The following FBXW8 variants were observed in gnomAD, a reference collection of about 807,000 sequenced individuals.
FBXW8 encodes F-box/WD repeat-containing protein 8.
Under a neutral mutation model 65.3 loss-of-function variants are expected in FBXW8, and 57 were observed. That is an observed-to-expected ratio of 0.87 (90% CI 0.71 to 1.09). The LOEUF is 1.09. Ranked by LOEUF, FBXW8 falls within the 50% of genes least tolerant of loss-of-function variation. The pLI is 0.00. For missense variants in FBXW8, 777 were observed against 814.8 expected (o/e 0.95, Z 0.57); for synonymous variants, 308 against 330.2 (o/e 0.93, Z 0.73).
intron 5 of FBXW8, among the ~76,000 whole-genome samples, chr12:116,967,829 C>T (rs182505486): frequency 9.9e-5 from 15 of 152,268 alleles, no homozygotes; most frequent in Admixed American, 8.5e-4. Context: ...TGCAGTGGTG[C>T]GATCTCGACT....
At chr12:116,995,625 G>GT (rs1953356250) in intron 7 of FBXW8, among the ~76,000 whole-genome samples, 1 of 151,818 alleles carries the variant, frequency 6.6e-6, no homozygotes, top group Non-Finnish European at 1.5e-5. Context: ...CTGCTTGATG[G>GT]TTTTTTACTT....
chr12:116,926,572 A>G (rs1593045869), intron 1 of FBXW8, among the ~76,000 whole-genome samples: 1 of 152,148 alleles, frequency 6.6e-6, no homozygotes, highest in Non-Finnish European at 1.5e-5. Context: ...GGAGCCTGAC[A>G]TTAAACCAAT....
chr12:116,959,594 TATGAAG>T (rs1205220248), intron 4 of FBXW8, among the ~76,000 whole-genome samples: 1 of 152,244 alleles, frequency 6.6e-6, no homozygotes, highest in African/African-American at 2.4e-5. Context: ...GCTGGATACT[TATGAAG>T]AAGAAAGGTT....
rs1189025257 is a variant in FBXW8 at position 116,961,916 on chromosome 12, A to G, written c.678-2781A>G. On this transcript the variant is annotated intron_variant, in intron 4 of 10. Transcript: ENST00000652555. This position sits in a 1 kb window ranked among gnomAD's most constrained non-coding sequence, Gnocchi z 4.4. ...AGAAGCTCCGAATCAGGGAGCCTGT[A>G]GTAGTCGGGTGTGAATGTGAGGTGT... Among the ~76,000 whole-genome samples the G allele has an allele frequency of 6.6e-6, 1 of 152,170 alleles. No individual in the cohort carries two copies. The highest frequency in any genetic ancestry group is 1.5e-5 in the Non-Finnish European group (1 of 68,030).
At chr12:117,000,709 G>A (rs1446918253) in intron 7 of FBXW8, among the ~76,000 whole-genome samples, 1 of 152,206 alleles carries the variant, frequency 6.6e-6, no homozygotes, top group African/African-American at 2.4e-5. Context: ...AGAGGTTTGA[G>A]CTCCTTAGGG....
intron 7 of FBXW8, among the ~76,000 whole-genome samples, chr12:117,003,812 T>C (rs1953603352): frequency 6.6e-6 from 1 of 152,242 alleles, no homozygotes; most frequent in Admixed American, 6.5e-5. Context: ...CAGTCTGTCA[T>C]TCTCTTTTAG....
chr12:116,958,586 T>C (rs1343092610), intron 4 of FBXW8, among the ~76,000 whole-genome samples: 1 of 152,200 alleles, frequency 6.6e-6, no homozygotes, highest in Admixed American at 6.5e-5. Flanking sequence ...GTTTATAGGC[T>C]GCCAAGGGAT....
In FBXW8 at chr12:116,928,951, C is replaced by T. The variant is rs536632575; in HGVS notation, c.423+824C>T. On this transcript the variant is annotated intron_variant, in intron 2 of 10. Transcript: ENST00000652555. ...TCAGCCTCCCGAGTAGCTGGGACTGCGGGCATGTGCTGCCATGCCCAGCTA... is the reference window on the plus strand; with the variant it reads ...TCAGCCTCCCGAGTAGCTGGGACTGTGGGCATGTGCTGCCATGCCCAGCTA... Among the ~76,000 whole-genome samples the T allele has an allele frequency of 5.3e-5, 8 of 152,122 alleles. No individual in the cohort carries two copies. In the South Asian group the frequency reaches 8.3e-4, roughly 16 times the overall value.
chr12:116,984,135 T>TG (rs1301861004), intron 5 of FBXW8, among the ~76,000 whole-genome samples: 1 of 152,138 alleles, frequency 6.6e-6, no homozygotes, highest in Non-Finnish European at 1.5e-5. Context: ...GGAAATAGCT[T>TG]GGGAATGATA....
At position 116,993,129 on chromosome 12, in the gene FBXW8, C is replaced by T. The variant is rs147144324; in HGVS notation, c.1239+4260C>T. On this transcript the variant is annotated intron_variant, in intron 7 of 10. Coordinates refer to ENST00000652555, the MANE Select transcript of FBXW8 (RefSeq NM_153348.3). ...TTTTTTTTTTTTTTTTTTGAGATGA[C>T]GTCTTGCTCTGTCGCCCAGGCTGGA... is the stretch of plus-strand genomic sequence containing the variant. 0.017 allele frequency among the ~76,000 whole-genome samples: 1,786 copies of T among 104,688 alleles called. 157 individuals are homozygous for T. The Admixed American group carries it at 0.21, about 12-fold the overall frequency. 68.7% of individuals were successfully genotyped at this position (104,688 alleles called of 152,430 possible).
chr12:116,988,671 C>T lies in FBXW8; in HGVS notation c.1041C>T (p.Tyr347=). The change falls in exon 7 of 11, where the codon TAC becomes TAT. Residue 347 remains tyrosine (Y), a synonymous_variant. Coordinates refer to ENST00000652555, the MANE Select transcript of FBXW8 (RefSeq NM_153348.3). ...AEFEVPKLVQ[Y]LEIVPETRRY... is the part of the protein sequence containing the mutation. ...CTCTTACCTTTTAACAGGTTCAGTA[C>T]CTTGAAATAGTTCCAGAAACCAGAA... 6.2e-7 allele frequency: 1 copy of T among 1,614,066 alleles called. No individual in the cohort carries two copies.
At chr12:116,933,166 C>T (rs567779860) in intron 2 of FBXW8, among the ~76,000 whole-genome samples, 14 of 152,312 alleles carry the variant, frequency 9.2e-5, no homozygotes, top group African/African-American at 3.4e-4. Flanking sequence ...GAGTTGAAAA[C>T]AAGAGTGTAG....
intron 8 of FBXW8, among the ~76,000 whole-genome samples, chr12:117,023,395 T>TTTGA (rs1190384747): frequency 2.0e-5 from 3 of 152,224 alleles, no homozygotes; most frequent in African/African-American, 7.2e-5. Flanking sequence ...ATGTAATGAA[T>TTTGA]TTGATTTACT....
chr12:116,912,488 T>C (rs1188578482), intron 1 of FBXW8, among the ~76,000 whole-genome samples: 2 of 138,554 alleles, frequency 1.4e-5, no homozygotes, highest in African/African-American at 5.4e-5. Flanking sequence ...GGAGTCTCGC[T>C]CGCTCTGTCG....
chr12:116,917,991 CA>C (rs11451674), intron 1 of FBXW8, among the ~76,000 whole-genome samples: 31 of 118,140 alleles, frequency 2.6e-4, no homozygotes, highest in African/African-American at 7.5e-4. Context: ...GACTCCACCT[CA>C]AAAAAAAAAA....
intron 8 of FBXW8, among the ~76,000 whole-genome samples, chr12:117,011,660 C>A (rs1953822241): frequency 6.6e-6 from 1 of 152,090 alleles, no homozygotes; most frequent in Non-Finnish European, 1.5e-5. Flanking sequence ...GCTCCAAGCT[C>A]CTCTCCTAGG....
At chr12:116,963,613 CAAAAG>C (rs986391951) in intron 4 of FBXW8, among the ~76,000 whole-genome samples, 2 of 152,088 alleles carry the variant, frequency 1.3e-5, no homozygotes, top group African/African-American at 2.4e-5. Flanking sequence ...CAAAAACAAA[CAAAAG>C]AAAACAAAAA....
At position 116,928,085 on chromosome 12, in the gene FBXW8, A is replaced by G; in HGVS notation, c.381A>G (p.Ile127Met). ...IQLPYELAIN[I>M]FQYLDRKELG... is the part of the protein sequence containing the mutation. ...TGCCTTACGAATTGGCAATCAATATATTTCAGTATCTGGACAGGAAAGAAC... is the reference window on the plus strand; with the variant it reads ...TGCCTTACGAATTGGCAATCAATATGTTTCAGTATCTGGACAGGAAAGAAC... The change falls in exon 2 of 11, where the codon ATA becomes ATG. Residue 127 changes from isoleucine to methionine, a missense_variant. Coordinates refer to ENST00000652555, the MANE Select transcript of FBXW8 (RefSeq NM_153348.3). 6.2e-7 allele frequency: 1 copy of G among 1,612,558 alleles called. No homozygotes were observed. Among genetic ancestry groups the G allele is most frequent in the Non-Finnish European group, 8.5e-7 (1 of 1,179,334 alleles).
intron 5 of FBXW8, among the ~76,000 whole-genome samples, chr12:116,972,685 G>C (rs1884707200): frequency 6.6e-6 from 1 of 152,172 alleles, no homozygotes; most frequent in Non-Finnish European, 1.5e-5. Context: ...GGAGAAGGAA[G>C]GCTCAAGTAC....
Sources: gnomAD v4.1 joint callset for allele counts (sites outside exome capture counted in the v4.1 genomes callset) on GRCh38, gnomAD v4.1.1 for gene constraint, Gnocchi (gnomAD v3.1) non-coding constraint, MANE v1.5 for transcripts, NCBI Gene and HGNC (gene_info 2026-07-23, HGNC 2026-07-21) for gene names.